Variants in DLG2 observed in about 807,000 individuals in gnomAD.
DLG2 encodes discs large MAGUK scaffold protein 2, also known as disks large homolog 2.
Under a neutral mutation model 132.5 loss-of-function variants are expected in DLG2, and 45 were observed. That is an observed-to-expected ratio of 0.34 (90% CI 0.27 to 0.44). DLG2 has a LOEUF of 0.44. DLG2 is among the 20% of genes least tolerant of loss of function. The pLI, the probability that DLG2 is intolerant of heterozygous loss-of-function variation, is 1.00. For missense variants in DLG2, 1,045 were observed against 1,196.9 expected, an observed-to-expected ratio of 0.87 and a Z score of 1.87; for synonymous variants, 424 against 419.6, an observed-to-expected ratio of 1.01 and a Z score of -0.13.
intron 16 of DLG2, among the ~76,000 whole-genome samples, chr11:83,857,093 T>C (rs768720780): frequency 1.3e-5 from 2 of 152,212 alleles, no homozygotes; most frequent in Non-Finnish European, 2.9e-5. Context: ...CTTTTCCCCA[T>C]TGCTTATTTT....
At chr11:84,600,953 T>A (rs1386406287) in intron 6 of DLG2, among the ~76,000 whole-genome samples, 2 of 152,172 alleles carry the variant, frequency 1.3e-5, no homozygotes, top group East Asian at 3.8e-4. Flanking sequence ...ATAAATGGCT[T>A]AACACAAGGT....
At chr11:85,015,274 C>T (rs558950564) in intron 6 of DLG2, among the ~76,000 whole-genome samples, 1 of 152,128 alleles carries the variant, frequency 6.6e-6, no homozygotes, top group African/African-American at 2.4e-5. Flanking sequence ...TAAGTTTATA[C>T]TTCTAAACAC....
intron 6 of DLG2, among the ~76,000 whole-genome samples, chr11:85,049,763 G>A (rs973485288): frequency 2.0e-4 from 31 of 152,014 alleles, no homozygotes; most frequent in Non-Finnish European, 5.9e-5. Context: ...AACACCCAGA[G>A]TTTAAAGAGT....
At chr11:83,517,581 G>A (rs2095340628) in intron 21 of DLG2, among the ~76,000 whole-genome samples, 2 of 152,212 alleles carry the variant, frequency 1.3e-5, no homozygotes, top group Admixed American at 6.5e-5. Context: ...CGTTCCTTTG[G>A]AGGAGGAGAG....
intron 3 of DLG2, among the ~76,000 whole-genome samples, chr11:85,362,805 T>C (rs913024490): frequency 1.3e-5 from 2 of 152,204 alleles, no homozygotes; most frequent in African/African-American, 2.4e-5. Flanking sequence ...AATGACTCAA[T>C]TTATTTTGTT....
chr11:85,203,392 A>G (rs960394655), intron 4 of DLG2, among the ~76,000 whole-genome samples: 3 of 152,052 alleles, frequency 2.0e-5, no homozygotes, highest in African/African-American at 7.2e-5. Flanking sequence ...TACCACAGAA[A>G]TACAAAGGAT....
At chr11:85,266,707 G>C (rs2077234894) in intron 4 of DLG2, among the ~76,000 whole-genome samples, 1 of 152,118 alleles carries the variant, frequency 6.6e-6, no homozygotes. Flanking sequence ...GCATAAAGTA[G>C]GCTTCTGGGC....
At chr11:83,914,338 T>G (rs1036535912) in intron 15 of DLG2, among the ~76,000 whole-genome samples, 1 of 152,186 alleles carries the variant, frequency 6.6e-6, no homozygotes, top group Admixed American at 6.5e-5. Flanking sequence ...GCTGACATCA[T>G]GATTCTCATA....
chr11:84,763,179 T>C (rs1229775595), intron 6 of DLG2: 1 of 152,200 alleles, frequency 6.6e-6, no homozygotes, highest in Non-Finnish European at 1.5e-5. Context: ...ACATAGGAGC[T>C]CGACAGCATT....
intron 9 of DLG2, among the ~76,000 whole-genome samples, chr11:84,134,982 T>G (rs977614041): frequency 2.0e-5 from 3 of 152,068 alleles, no homozygotes; most frequent in African/African-American, 7.2e-5. Context: ...GGCTTTCTTC[T>G]GTTTGGGTGA....
intron 16 of DLG2, among the ~76,000 whole-genome samples, chr11:83,865,160 T>C (rs2062084884): frequency 4.6e-5 from 7 of 152,194 alleles, no homozygotes; most frequent in Admixed American, 4.6e-4. Context: ...AAAGGACTTT[T>C]GTCAGTCAGA....
Position 84,216,416 on chromosome 11 carries a change from G to A in DLG2, c.573+34822C>T, listed in dbSNP as rs76376277. Among the ~76,000 whole-genome samples, 184 of 152,098 alleles carry A rather than the reference G, an allele frequency of 1.2e-3. 1 individual carries two copies. Among genetic ancestry groups the A allele is most frequent in the African/African-American group, 4.0e-3 (167 of 41,494 alleles). Reference sequence around the variant, plus strand: ...AATAACGCCAAGCAGGAGAGATCACGGGGGGCAAAAATCTGCCTACTACAC... The same window carrying A: ...AATAACGCCAAGCAGGAGAGATCACAGGGGGCAAAAATCTGCCTACTACAC... On this transcript the variant is annotated intron_variant, in intron 8 of 27. Transcript: ENST00000376104.
intron 3 of DLG2, among the ~76,000 whole-genome samples, chr11:85,332,033 A>G (rs1366344651): frequency 6.6e-6 from 1 of 152,186 alleles, no homozygotes; most frequent in Admixed American, 6.5e-5. Context: ...TCTTTGAGAA[A>G]TCTCCAAACA....
chr11:84,040,073 T>C (rs1249265895), intron 11 of DLG2, among the ~76,000 whole-genome samples: 1 of 151,812 alleles, frequency 6.6e-6, no homozygotes, highest in East Asian at 1.9e-4. Flanking sequence ...GGTTGTTTGT[T>C]TTTTTCTTGT....
chr11:83,767,807 G>A (rs372506084), intron 18 of DLG2, among the ~76,000 whole-genome samples: 7 of 152,004 alleles, frequency 4.6e-5, no homozygotes, highest in East Asian at 3.9e-4. Flanking sequence ...TCTATCAGCC[G>A]GAAATTATTA....
intron 6 of DLG2, among the ~76,000 whole-genome samples, chr11:84,868,318 A>C (rs892922179): frequency 6.6e-6 from 1 of 151,884 alleles, no homozygotes; most frequent in Non-Finnish European, 1.5e-5. Context: ...TTGCAGTAGT[A>C]AATAAGTAAA....
intron 3 of DLG2, among the ~76,000 whole-genome samples, chr11:85,335,140 T>C (rs2082036360): frequency 6.6e-6 from 1 of 152,202 alleles, no homozygotes. Context: ...AGTTAAGTCT[T>C]CTCGTTGAAT....
intron 16 of DLG2, among the ~76,000 whole-genome samples, chr11:83,872,156 G>A (rs778710277): frequency 1.8e-4 from 27 of 152,248 alleles, no homozygotes; most frequent in South Asian, 6.2e-4. Flanking sequence ...CCAGCTATTC[G>A]GGAGGCTGAG....
chr11:84,348,057 G>A (rs1365377735), intron 7 of DLG2, among the ~76,000 whole-genome samples: 5 of 152,152 alleles, frequency 3.3e-5, no homozygotes, highest in Admixed American at 3.3e-4. Flanking sequence ...TAACACAGGT[G>A]AGAGTACTAT....
Sources: allele counts gnomAD v4.1 joint callset (sites outside exome capture counted in the v4.1 genomes callset), GRCh38; gene constraint gnomAD v4.1.1; transcripts MANE v1.5; gene names NCBI Gene and HGNC (gene_info 2026-07-23, HGNC 2026-07-21).